Variants in PFDN1 observed in about 807,000 individuals in gnomAD.
The protein encoded by PFDN1 is prefoldin 1.
PFDN1 carries 6 observed loss-of-function variants against 17.3 expected under a neutral mutation model. The observed-to-expected ratio is 0.35, with a 90% CI of 0.19 to 0.69. The LOEUF is 0.69. Ranked by LOEUF, PFDN1 falls within the 30% of genes least tolerant of loss-of-function variation. The pLI is 0.65. For synonymous variants in PFDN1, 58 were observed against 50.1 expected, an observed-to-expected ratio of 1.16 and a Z score of -0.67; for missense variants, 113 against 146.2, an observed-to-expected ratio of 0.77 and a Z score of 1.17.
chr5:140,245,337 G>A lies in PFDN1; in HGVS notation c.*637C>T. ...TTACTGTTGAACTTCCTTTTGGAAT[G>A]TATGGGAGAAGGCAGGGAAAGGAAT... On this transcript the variant is annotated 3_prime_UTR_variant, in exon 4 of 4. Coordinates refer to ENST00000261813, the MANE Select transcript of PFDN1 (RefSeq NM_002622.5). 1 of 641,960 alleles carries A rather than the reference G, an allele frequency of 1.6e-6. No homozygotes were observed. The highest frequency in any genetic ancestry group is 2.8e-6 in the Non-Finnish European group (1 of 354,374). The allele number at this position is 641,960 out of a possible 1,614,324, so 39.8% of individuals were successfully genotyped here.
Position 140,281,475 on chromosome 5 carries a change from C to G in PFDN1, c.259G>C (p.Ala87Pro). 1 of 1,569,778 alleles carries G rather than the reference C, an allele frequency of 6.4e-7. No individual in the cohort carries two copies. The highest frequency in any genetic ancestry group is 1.1e-5 in the South Asian group (1 of 90,116). The change falls in exon 3 of 4, where the codon GCA becomes CCA. Residue 87 changes from alanine (A) to proline (P), a missense_variant. Coordinates refer to ENST00000261813, the MANE Select transcript of PFDN1 (RefSeq NM_002622.5). ...HSQLLEKQKI[A>P]EEKIKELEQK... ...TCTAGTTCTTTAATTTTTTCTTCTG[C>G]TATTTTCTGCTTCTCTAACAGCTGA...
intron 3 of PFDN1, among the ~76,000 whole-genome samples, chr5:140,276,055 T>C (rs1765287230): frequency 7.1e-6 from 1 of 141,320 alleles, no homozygotes; most frequent in Non-Finnish European, 1.6e-5. Context: ...ATGATGATGA[T>C]GATGATAATT....
At chr5:140,256,025 C>T (rs902393495) in intron 3 of PFDN1, among the ~76,000 whole-genome samples, 6 of 152,140 alleles carry the variant, frequency 3.9e-5, no homozygotes, top group African/African-American at 1.2e-4. Flanking sequence ...CAACAGTGTT[C>T]AACACAGTTC....
At chr5:140,278,036 C>G (rs1345579367) in intron 3 of PFDN1, among the ~76,000 whole-genome samples, 1 of 151,050 alleles carries the variant, frequency 6.6e-6, no homozygotes, top group African/African-American at 2.4e-5. Context: ...TGGTGAAACC[C>G]AAACCCCGTC....
chr5:140,274,175 G>T (rs533585503), intron 3 of PFDN1, among the ~76,000 whole-genome samples: 1 of 152,266 alleles, frequency 6.6e-6, no homozygotes, highest in South Asian at 2.1e-4. Flanking sequence ...CTCTTTAGAA[G>T]ATATAGATCT....
chr5:140,277,981 G>A (rs1237567598), intron 3 of PFDN1, among the ~76,000 whole-genome samples: 1 of 151,992 alleles, frequency 6.6e-6, no homozygotes, highest in African/African-American at 2.4e-5. Flanking sequence ...GGCTGAGGTG[G>A]GGAGATCACT....
At chr5:140,253,968 C>T (rs1764951852) in intron 3 of PFDN1, among the ~76,000 whole-genome samples, 1 of 152,160 alleles carries the variant, frequency 6.6e-6, no homozygotes, top group Admixed American at 6.5e-5. Context: ...ACAATCCCTC[C>T]CGGGTGGCTG....
intron 3 of PFDN1, among the ~76,000 whole-genome samples, chr5:140,268,262 A>G (rs1386706130): frequency 6.6e-6 from 1 of 152,232 alleles, no homozygotes; most frequent in Non-Finnish European, 1.5e-5. Context: ...AAAAATGGTA[A>G]AAGCCCTATG....
intron 2 of PFDN1, among the ~76,000 whole-genome samples, chr5:140,288,910 A>G (rs967141433): frequency 2.0e-5 from 3 of 151,188 alleles, no homozygotes; most frequent in Non-Finnish European, 4.4e-5. Context: ...GCTTGAACCC[A>G]GAAGGCGGAG....
intron 3 of PFDN1, among the ~76,000 whole-genome samples, chr5:140,270,441 G>C (rs1487500934): frequency 2.6e-5 from 4 of 152,042 alleles, no homozygotes; most frequent in Non-Finnish European, 5.9e-5. Flanking sequence ...AATAATAACT[G>C]AAACAAGATG....
intron 2 of PFDN1, among the ~76,000 whole-genome samples, chr5:140,291,133 G>A (rs1398108111): frequency 6.6e-6 from 1 of 152,146 alleles, no homozygotes; most frequent in South Asian, 2.1e-4. Context: ...GAAATGGGAG[G>A]CCATTTGACT....
intron 3 of PFDN1, 120 bp downstream of exon 3, chr5:140,281,329 T>C (rs1288234431): frequency 3.3e-6 from 2 of 607,864 alleles, no homozygotes; most frequent in Admixed American, 2.9e-5. Flanking sequence ...AACGTAATTA[T>C]AGAAAATAAA....
chr5:140,276,489 T>TTC (rs1373539204), intron 3 of PFDN1, among the ~76,000 whole-genome samples: 1 of 152,062 alleles, frequency 6.6e-6, no homozygotes, highest in Non-Finnish European at 1.5e-5. Context: ...CTCCAAAGAC[T>TTC]GAGAGTATTG....
chr5:140,271,742 G>A (rs1765208210), intron 3 of PFDN1, among the ~76,000 whole-genome samples: 1 of 151,970 alleles, frequency 6.6e-6, no homozygotes, highest in Admixed American at 6.6e-5. Flanking sequence ...TAGATAAATT[G>A]TGGTACTTCT....
At chr5:140,302,944 T>C in intron 1 of PFDN1, 97 bp downstream of exon 1, 2 of 903,466 alleles carry the variant, frequency 2.2e-6, no homozygotes, top group Non-Finnish European at 3.8e-6. Flanking sequence ...TGGACCCTCC[T>C]TCCTTCTGCA....
At chr5:140,271,062 AC>A (rs1765199199) in intron 3 of PFDN1, among the ~76,000 whole-genome samples, 1 of 152,220 alleles carries the variant, frequency 6.6e-6, no homozygotes, top group South Asian at 2.1e-4. Flanking sequence ...CATAACATAT[AC>A]AATGAACAAG....
intron 2 of PFDN1, among the ~76,000 whole-genome samples, chr5:140,293,987 T>C (rs1476413112): frequency 1.3e-5 from 2 of 152,098 alleles, no homozygotes; most frequent in Non-Finnish European, 2.9e-5. Flanking sequence ...GGGTGGGTCA[T>C]GTTCTATTAG....
intron 3 of PFDN1, among the ~76,000 whole-genome samples, chr5:140,262,893 T>TC (rs759994928): frequency 2.0e-5 from 3 of 152,100 alleles, no homozygotes; most frequent in Non-Finnish European, 2.9e-5. Context: ...TACATTATTT[T>TC]CCAAATTAAA....
Position 140,267,976 on chromosome 5 carries a change from T to C in PFDN1, c.285+13473A>G, listed in dbSNP as rs554520208. 2.6e-5 allele frequency among the ~76,000 whole-genome samples: 4 copies of C among 152,384 alleles called. No homozygotes were observed. The East Asian group carries it at 5.8e-4, about 22-fold the overall frequency. ...CAGAGTCAAACGAACTAAATTGTTTTACACAAAGGTTAGGAATACAATGCA... is the reference window on the plus strand; with the variant it reads ...CAGAGTCAAACGAACTAAATTGTTTCACACAAAGGTTAGGAATACAATGCA... On this transcript the variant is annotated intron_variant, in intron 3 of 3. Transcript: ENST00000261813.
Sources: allele counts gnomAD v4.1 joint callset (sites outside exome capture counted in the v4.1 genomes callset), GRCh38; gene constraint gnomAD v4.1.1; transcripts MANE v1.5; gene names NCBI Gene and HGNC (gene_info 2026-07-23, HGNC 2026-07-21).